The following PXDN variants were observed in gnomAD, a reference collection of about 807,000 sequenced individuals.
PXDN encodes peroxidasin homolog.
A neutral mutation model predicts 140.3 loss-of-function variants in PXDN; 77 were observed. The ratio of observed to expected loss-of-function variants is 0.55; its 90% CI spans 0.46 to 0.66. PXDN has a LOEUF of 0.66. PXDN is among the 30% of genes least tolerant of loss of function. The probability of loss-of-function intolerance (pLI) is 0.00; values close to 1 mark genes in which losing one functional copy is unlikely to be tolerated. For synonymous variants in PXDN, 911 were observed against 857.4 expected (o/e 1.06, Z -1.09); for missense variants, 1,838 against 2,039.5 (o/e 0.90, Z 1.90).
chr2:1,643,608 G>C (rs759310586), intron 18 of PXDN, 32 bp from the exon 19 acceptor site: 1 of 1,610,494 alleles, frequency 6.2e-7, no homozygotes, highest in Non-Finnish European at 8.5e-7. Flanking sequence ...CAGGATCAGA[G>C]AAGGGCAGGA....
chr2:1,722,603 C>A (rs973347730), intron 1 of PXDN, among the ~76,000 whole-genome samples: 3 of 152,220 alleles, frequency 2.0e-5, no homozygotes, highest in African/African-American at 7.2e-5. Flanking sequence ...CTAACCTCCC[C>A]TCAAAAAATA....
In PXDN at chr2:1,729,025, A is replaced by G. The variant is rs961474938; in HGVS notation, c.200+15231T>C. ...GCTGGCTGCTCTGTGAGCTCCTCCC[A>G]GTGCGGGGCCCGGTGTGACTATGGG... On this transcript the variant is annotated intron_variant, in intron 1 of 22. Coordinates refer to ENST00000252804, the MANE Select transcript of PXDN (RefSeq NM_012293.3). Among the ~76,000 whole-genome samples the G allele has an allele frequency of 2.4e-5, 3 of 125,722 alleles. No individual in the cohort carries two copies. The Admixed American group carries it at 2.7e-4, about 11-fold the overall frequency. The allele number at this position is 125,722 out of a possible 152,430, so 82.5% of individuals were successfully genotyped here. A position where few individuals can be genotyped will look rare whatever the true frequency, so the allele number is the denominator to read the frequency against.
At chr2:1,704,528 C>T (rs1234455185) in intron 1 of PXDN, among the ~76,000 whole-genome samples, 5 of 99,886 alleles carry the variant, frequency 5.0e-5, no homozygotes, top group Non-Finnish European at 7.6e-5. Context: ...TGGGGGACAA[C>T]TCCAGGTGAA....
chr2:1,738,971 C>T (rs994874154), intron 1 of PXDN, among the ~76,000 whole-genome samples: 1 of 152,172 alleles, frequency 6.6e-6, no homozygotes, highest in Admixed American at 6.5e-5. Context: ...GGCTGCTGCC[C>T]GGACAATGCA....
intron 12 of PXDN, among the ~76,000 whole-genome samples, chr2:1,662,816 G>C (rs955914740): frequency 6.6e-6 from 1 of 152,186 alleles, no homozygotes; most frequent in South Asian, 2.1e-4. Flanking sequence ...CCCTTCTAGA[G>C]GTCTGCACAG....
Position 1,639,247 on chromosome 2 carries a change from C to G in PXDN, c.4073+55G>C. On this transcript the variant is annotated intron_variant, in intron 20 of 22. Coordinates refer to ENST00000252804, the MANE Select transcript of PXDN (RefSeq NM_012293.3). This position sits in a 1 kb window ranked among gnomAD's most constrained non-coding sequence, Gnocchi z 5.0. ...GCAGGATGCCGGTCCTACTGCCCGA[C>G]GCCCGCGGTGCGAGGGCCCCTCTGC... 1 of 1,570,352 alleles carries G rather than the reference C, an allele frequency of 6.4e-7. No homozygotes were observed. Among genetic ancestry groups the G allele is most frequent in the Non-Finnish European group, 8.6e-7 (1 of 1,157,368 alleles).
At chr2:1,692,269 A>T (rs979564145) in intron 2 of PXDN, among the ~76,000 whole-genome samples, 3 of 152,228 alleles carry the variant, frequency 2.0e-5, no homozygotes, top group Admixed American at 6.5e-5. Flanking sequence ...TCTCTCCTAT[A>T]GAAGGGAGTT....
chr2:1,671,329 G>A (rs1188490673), intron 9 of PXDN, among the ~76,000 whole-genome samples: 1 of 151,954 alleles, frequency 6.6e-6, no homozygotes, highest in East Asian at 1.9e-4. Context: ...TTCAGAATAA[G>A]AGCTAGAATT....
In PXDN at chr2:1,634,156, G is replaced by A. The variant is rs369453627; in HGVS notation, c.*48C>T. ...CGCAGCTCCCTGCCATCGGCCACCC[G>A]ATCTCACGATGGCACAGCAGACAAA... On this transcript the variant is annotated 3_prime_UTR_variant, in exon 23 of 23. Coordinates refer to ENST00000252804, the MANE Select transcript of PXDN (RefSeq NM_012293.3). 123 of 1,545,804 alleles carry A rather than the reference G, an allele frequency of 8.0e-5. 1 individual carries two copies. In the South Asian group the frequency reaches 1.3e-3, roughly 16 times the overall value.
intron 1 of PXDN, among the ~76,000 whole-genome samples, chr2:1,702,660 G>A (rs1237104868): frequency 6.6e-6 from 1 of 151,946 alleles, no homozygotes; most frequent in Non-Finnish European, 1.5e-5. Flanking sequence ...ACAGAGTCTC[G>A]CTCTGTCGCC....
At chr2:1,734,967 T>C (rs576688045) in intron 1 of PXDN, among the ~76,000 whole-genome samples, 1 of 152,354 alleles carries the variant, frequency 6.6e-6, no homozygotes, top group African/African-American at 2.4e-5. Context: ...TAGGGAATAT[T>C]CTAGATCCTG....
chr2:1,653,459 G>A, intron 16 of PXDN, 169 bp downstream of exon 16: 2 of 1,027,948 alleles, frequency 1.9e-6, no homozygotes, highest in Non-Finnish European at 3.0e-6. Context: ...GAGAGCGACA[G>A]GGCTGTAGGG....
At chr2:1,674,542 C>G (rs1208607975) in intron 8 of PXDN, among the ~76,000 whole-genome samples, 1 of 152,200 alleles carries the variant, frequency 6.6e-6, no homozygotes, top group Non-Finnish European at 1.5e-5. Flanking sequence ...CATGCTGCAT[C>G]ACACACACTT....
intron 1 of PXDN, among the ~76,000 whole-genome samples, chr2:1,736,068 GCTTC>G (rs1428907081): frequency 3.3e-5 from 5 of 152,182 alleles, no homozygotes; most frequent in African/African-American, 1.2e-4. Context: ...TCCTTCTGCA[GCTTC>G]CTTAACTCTC....
chr2:1,638,925 C>A lies in PXDN; in HGVS notation c.4127G>T (p.Arg1376Leu), dbSNP rs753311470. ...LSNSTSAFST[R>L]SDASGTNDFR... ...GTCATTTGTCCCAGATGCATCTGAG[C>A]GTGTGCTGAAGGCTGAGGTGCTGTT... Residue 1376 changes from arginine (R) to leucine (L), a missense_variant, in exon 21 of 23, where the codon CGC becomes CTC. Around this residue, in one of 5 missense-constraint regions of PXDN, gnomAD observed 850 missense variants for 894.1 expected, o/e 0.95. Coordinates refer to ENST00000252804, the MANE Select transcript of PXDN (RefSeq NM_012293.3). The A allele has an allele frequency of 5.6e-6, 9 of 1,613,946 alleles. No homozygotes were observed. Among genetic ancestry groups the A allele is most frequent in the Non-Finnish European group, 7.6e-6 (9 of 1,179,822 alleles).
chr2:1,638,124 AG>A (rs1682618710), intron 21 of PXDN, among the ~76,000 whole-genome samples: 1 of 152,158 alleles, frequency 6.6e-6, no homozygotes, highest in African/African-American at 2.4e-5. Context: ...TGAGTAGGAA[AG>A]GAGCTGTGCT....
At chr2:1,730,520 G>A (rs570087248) in intron 1 of PXDN, among the ~76,000 whole-genome samples, 3 of 152,298 alleles carry the variant, frequency 2.0e-5, no homozygotes, top group South Asian at 2.1e-4. Context: ...AGGAAGAGCC[G>A]GGGCTCCTTG....
chr2:1,693,194 A>C (rs1684222891), intron 1 of PXDN, 60 bp from the exon 2 acceptor site: 9 of 1,341,620 alleles, frequency 6.7e-6, no homozygotes, highest in Non-Finnish European at 8.2e-6. Context: ...ATCGCTACAC[A>C]TTTGCTGCTC....
chr2:1,686,670 A>G (rs1684065623), intron 4 of PXDN, among the ~76,000 whole-genome samples: 1 of 152,188 alleles, frequency 6.6e-6, no homozygotes, highest in South Asian at 2.1e-4. Flanking sequence ...CTGTAGAGAC[A>G]GACCTCCTCC....
Sources: allele counts gnomAD v4.1 joint callset (sites outside exome capture counted in the v4.1 genomes callset), GRCh38; gene constraint gnomAD v4.1.1; regional missense constraint gnomAD v4.1.1; non-coding constraint Gnocchi (gnomAD v3.1); transcripts MANE v1.5; gene names NCBI Gene and HGNC (gene_info 2026-07-23, HGNC 2026-07-21).